The following CRKL variants were observed in gnomAD, a reference collection of about 807,000 sequenced individuals.
CRKL encodes crk-like protein.
Under a neutral mutation model 23.0 loss-of-function variants are expected in CRKL, and 3 were observed. That is an observed-to-expected ratio of 0.13 (90% CI 0.06 to 0.34). The LOEUF is 0.34. Ranked by LOEUF, CRKL falls within the 10% of genes least tolerant of loss-of-function variation. The pLI, the probability that CRKL is intolerant of heterozygous loss-of-function variation, is 1.00. For missense variants in CRKL, 256 were observed against 394.5 expected, an observed-to-expected ratio of 0.65 and a Z score of 2.97; for synonymous variants, 188 against 160.7, an observed-to-expected ratio of 1.17 and a Z score of -1.28.
intron 1 of CRKL, among the ~76,000 whole-genome samples, chr22:20,929,960 C>T (rs546300408): frequency 6.6e-6 from 1 of 152,210 alleles, no homozygotes; most frequent in East Asian, 1.9e-4. Context: ...GTGTAATTTT[C>T]AGGGGAGTTT....
chr22:20,952,484 C>T lies in CRKL; in HGVS notation c.*2639C>T, dbSNP rs117644779. 7.2e-3 allele frequency: 1,666 copies of T among 231,430 alleles called. 15 individuals carry two copies. The highest frequency in any genetic ancestry group is 0.045 in the East Asian group (727 of 16,232). The allele number at this position is 231,430 out of a possible 1,614,324, so 14.3% of individuals were successfully genotyped here. On this transcript the variant is annotated 3_prime_UTR_variant, in exon 3 of 3. Coordinates refer to ENST00000354336, the MANE Select transcript of CRKL (RefSeq NM_005207.4). ...GCCAAAACTAGTAAAACTTAACGGACTTACAACCTTGTCAGTTTTTTTAAT... is the reference window on the plus strand; with the variant it reads ...GCCAAAACTAGTAAAACTTAACGGATTTACAACCTTGTCAGTTTTTTTAAT...
chr22:20,918,287 C>T, intron 1 of CRKL, 42 bp downstream of exon 1: 12 of 1,596,992 alleles, frequency 7.5e-6, no homozygotes, highest in East Asian at 2.2e-5. Context: ...AGGTCGAGAA[C>T]CGGGTCTGTC....
chr22:20,933,016 G>T (rs541277998), intron 1 of CRKL, among the ~76,000 whole-genome samples: 1 of 152,054 alleles, frequency 6.6e-6, no homozygotes, highest in South Asian at 2.1e-4. Context: ...GGAGGTAGAG[G>T]TTACAGTGAA....
intron 1 of CRKL, among the ~76,000 whole-genome samples, chr22:20,920,233 T>C (rs1196725523): frequency 6.6e-6 from 1 of 152,152 alleles, no homozygotes; most frequent in Admixed American, 6.6e-5. Flanking sequence ...GCGGGTGTGG[T>C]AGCTCACGCC....
At position 20,952,097 on chromosome 22, in the gene CRKL, T is replaced by C. The variant is rs1569140092; in HGVS notation, c.*2252T>C. On this transcript the variant is annotated 3_prime_UTR_variant, in exon 3 of 3. Coordinates refer to ENST00000354336, the MANE Select transcript of CRKL (RefSeq NM_005207.4). The stretch of plus-strand genomic sequence containing the variant: ...GTTCATCCCGGCCCATGTTGAGCCA[T>C]GAGTGGAGTTTCCAACAGAGGGAGG... 2 of 227,714 alleles carry C rather than the reference T, an allele frequency of 8.8e-6. No homozygotes were observed. Among genetic ancestry groups the C allele is most frequent in the African/African-American group, 4.5e-5 (2 of 44,926 alleles). 14.1% of individuals were successfully genotyped at this position (227,714 alleles called of 1,614,324 possible).
At position 20,917,670 on chromosome 22, in the gene CRKL, T is replaced by G. The variant is rs948410924; in HGVS notation, c.-265T>G. ...ACCCCGGGGTGGCCTCCGCTGCGGC[T>G]CGGGTTTGCCTGCCCCGACCCCCCG... On this transcript the variant is annotated 5_prime_UTR_variant, in exon 1 of 3. Coordinates refer to ENST00000354336, the MANE Select transcript of CRKL (RefSeq NM_005207.4). The G allele has an allele frequency of 6.2e-6, 3 of 480,478 alleles. No homozygotes were observed. Among genetic ancestry groups the G allele is most frequent in the Non-Finnish European group, 3.7e-6 (1 of 273,108 alleles). 29.8% of individuals were successfully genotyped at this position (480,478 alleles called of 1,614,324 possible).
intron 2 of CRKL, among the ~76,000 whole-genome samples, chr22:20,944,990 ATTAC>A (rs1922006406): frequency 1.3e-5 from 2 of 151,500 alleles, no homozygotes; most frequent in East Asian, 3.9e-4. Context: ...CCTGCCTGGA[ATTAC>A]TTTCTTTCTT....
rs1206485522 is a variant in CRKL at position 20,950,926 on chromosome 22, G to A, written c.*1081G>A. Reference sequence around the variant, plus strand: ...CAACACACAAAATAATGCAGTTGTGGTGTGCCATGCTATGTGCACAGCCCC... The same window carrying A: ...CAACACACAAAATAATGCAGTTGTGATGTGCCATGCTATGTGCACAGCCCC... On this transcript the variant is annotated 3_prime_UTR_variant, in exon 3 of 3. Transcript: ENST00000354336. The A allele has an allele frequency of 4.3e-6, 1 of 232,162 alleles. No individual in the cohort carries two copies. Among genetic ancestry groups the A allele is most frequent in the Non-Finnish European group, 8.5e-6 (1 of 117,474 alleles). The allele number at this position is 232,162 out of a possible 1,614,324, so 14.4% of individuals were successfully genotyped here.
rs2147891075 is a variant in CRKL at position 20,917,882 on chromosome 22, G to A, written c.-53G>A. 2.6e-6 allele frequency: 4 copies of A among 1,560,434 alleles called. No individual in the cohort carries two copies. In the East Asian group the frequency reaches 6.8e-5, roughly 27 times the overall value. On this transcript the variant is annotated 5_prime_UTR_variant, in exon 1 of 3. Transcript: ENST00000354336. ...CGTCTGCCGGGCTAAGGCGTGCAGA[G>A]CAGGCGAGGACAGCCGCCGCCCCTA...
In CRKL at chr22:20,920,080, T is replaced by G. The variant is rs75668695; in HGVS notation, c.311+1835T>G. On this transcript the variant is annotated intron_variant, in intron 1 of 2. Coordinates refer to ENST00000354336, the MANE Select transcript of CRKL (RefSeq NM_005207.4). ...TCTTAGAACCCACTGTAGTGAGATTTGTAATATGACTGAATAAATTCTTCC... is the reference window on the plus strand; with the variant it reads ...TCTTAGAACCCACTGTAGTGAGATTGGTAATATGACTGAATAAATTCTTCC... Among the ~76,000 whole-genome samples the G allele has an allele frequency of 4.7e-3, 722 of 152,322 alleles. 2 individuals are homozygous for G. Among genetic ancestry groups the G allele is most frequent in the Non-Finnish European group, 7.5e-3 (509 of 68,030 alleles).
At chr22:20,945,244 C>A (rs374343294) in intron 2 of CRKL, among the ~76,000 whole-genome samples, 2 of 151,308 alleles carry the variant, frequency 1.3e-5, no homozygotes, top group Non-Finnish European at 1.5e-5. Context: ...CTGCCTGCCT[C>A]GGCCTCCCAA....
In CRKL at chr22:20,934,853, G is replaced by A. The variant is rs1241532156; in HGVS notation, c.777+609G>A. 6.8e-5 allele frequency among the ~76,000 whole-genome samples: 8 copies of A among 118,514 alleles called. No homozygotes were observed. In the East Asian group the frequency reaches 1.6e-3, roughly 24 times the overall value. The allele number at this position is 118,514 out of a possible 152,430, so 77.7% of individuals were successfully genotyped here. A position where few individuals can be genotyped will look rare whatever the true frequency, so the allele number is the denominator to read the frequency against. On this transcript the variant is annotated intron_variant, in intron 2 of 2. Transcript: ENST00000354336. ...TTTTGAGATGGAGTCTCACTCTGTC[G>A]CCCAGGCTGGAGTTCAGTGGCTCAA...
intron 2 of CRKL, among the ~76,000 whole-genome samples, chr22:20,944,414 T>C (rs1409549488): frequency 1.3e-5 from 2 of 152,184 alleles, no homozygotes; most frequent in Non-Finnish European, 2.9e-5. Flanking sequence ...CGTTTTGTTT[T>C]GTTTTGTTTA....
Position 20,917,787 on chromosome 22 carries a change from A to G in CRKL, c.-148A>G, listed in dbSNP as rs1929744733. Reference sequence around the variant, plus strand: ...AGGATGCTGCGGGCCCGGAGCCGAGAGGAAAGTGCTGGCCCAGCCCTCTGA... The same window carrying G: ...AGGATGCTGCGGGCCCGGAGCCGAGGGGAAAGTGCTGGCCCAGCCCTCTGA... On this transcript the variant is annotated 5_prime_UTR_variant, in exon 1 of 3. Transcript: ENST00000354336. The G allele has an allele frequency of 2.7e-6, 2 of 749,660 alleles. No homozygotes were observed. 46.4% of individuals were successfully genotyped at this position (749,660 alleles called of 1,614,324 possible). A position where few individuals can be genotyped will look rare whatever the true frequency, so the allele number is the denominator to read the frequency against.
At chr22:20,928,845 T>TACCAGCAC (rs1921331555) in intron 1 of CRKL, among the ~76,000 whole-genome samples, 3 of 148,956 alleles carry the variant, frequency 2.0e-5, no homozygotes, top group Non-Finnish European at 3.0e-5. Flanking sequence ...AAAGGAATAT[T>TACCAGCAC]ACCAGCACCT....
At chr22:20,923,262 A>G (rs1921056263) in intron 1 of CRKL, among the ~76,000 whole-genome samples, 1 of 151,806 alleles carries the variant, frequency 6.6e-6, no homozygotes, top group Non-Finnish European at 1.5e-5. Context: ...TGAGGAGCTT[A>G]CTGGTTACTA....
intron 2 of CRKL, among the ~76,000 whole-genome samples, chr22:20,938,937 A>C (rs1921760926): frequency 6.6e-6 from 1 of 152,180 alleles, no homozygotes; most frequent in Admixed American, 6.5e-5. Flanking sequence ...GAGGAAAAAT[A>C]GTTTCCCAGG....
chr22:20,934,298 T>A, intron 2 of CRKL, 54 bp downstream of exon 2: 1 of 1,455,500 alleles, frequency 6.9e-7, no homozygotes, highest in East Asian at 2.3e-5. Context: ...GTTTTAATTT[T>A]TAGTTTTAGT....
At chr22:20,928,204 C>T (rs1921303486) in intron 1 of CRKL, among the ~76,000 whole-genome samples, 3 of 151,874 alleles carry the variant, frequency 2.0e-5, no homozygotes, top group African/African-American at 7.3e-5. Context: ...CACCTGTAGT[C>T]CCAAATAGTG....
Sources: gnomAD v4.1 joint callset for allele counts (sites outside exome capture counted in the v4.1 genomes callset) on GRCh38, gnomAD v4.1.1 for gene constraint, MANE v1.5 for transcripts, NCBI Gene and HGNC (gene_info 2026-07-23, HGNC 2026-07-21) for gene names.